DDX31: variants seen among roughly 807,000 people sequenced by gnomAD.
The protein encoded by DDX31 is ATP-dependent DNA helicase DDX31.
Under a neutral mutation model 91.3 loss-of-function variants are expected in DDX31, and 70 were observed. The observed-to-expected ratio is 0.77, with a 90% CI of 0.63 to 0.94. DDX31 has a LOEUF of 0.94. Ranked by LOEUF, DDX31 falls within the 40% of genes least tolerant of loss-of-function variation. DDX31 has a pLI of 0.00. For synonymous variants in DDX31, 362 were observed against 350.6 expected (o/e 1.03, Z -0.36); for missense variants, 902 against 925.0 (o/e 0.98, Z 0.32).
intron 17 of DDX31, 92 bp from the exon 18 acceptor site, chr9:132,618,533 C>G: frequency 1.9e-6 from 2 of 1,036,872 alleles, no homozygotes; most frequent in South Asian, 3.4e-5. Context: ...AGTAAAATCA[C>G]ACAGTAACCA....
At chr9:132,622,315 C>T (rs1053450626) in intron 17 of DDX31, among the ~76,000 whole-genome samples, 1 of 152,338 alleles carries the variant, frequency 6.6e-6, no homozygotes, top group Admixed American at 6.5e-5. Flanking sequence ...TAGAGCCACT[C>T]CTCAAGTCTC....
At chr9:132,635,337 T>C (rs1030011067) in intron 14 of DDX31, among the ~76,000 whole-genome samples, 1 of 152,186 alleles carries the variant, frequency 6.6e-6, no homozygotes, top group African/African-American at 2.4e-5. Flanking sequence ...ACTGTTACCT[T>C]GATGACTCTT....
At chr9:132,648,161 A>G in intron 11 of DDX31, 28 bp downstream of exon 11, 1 of 1,566,604 alleles carries the variant, frequency 6.4e-7, no homozygotes, top group Non-Finnish European at 8.7e-7. Flanking sequence ...AAGAACAAAG[A>G]AGGACCCATC....
chr9:132,639,036 C>G (rs528799359), intron 14 of DDX31, among the ~76,000 whole-genome samples: 2 of 152,174 alleles, frequency 1.3e-5, no homozygotes, highest in East Asian at 3.9e-4. Flanking sequence ...CTGAAGTGGC[C>G]CTCGTTCCTC....
intron 17 of DDX31, among the ~76,000 whole-genome samples, chr9:132,623,982 T>C (rs1424619699): frequency 3.3e-5 from 5 of 151,848 alleles, no homozygotes; most frequent in Non-Finnish European, 5.9e-5. Context: ...CTGACCAACA[T>C]GGTGAAACCC....
At position 132,612,308 on chromosome 9, in the gene DDX31, T is replaced by C. The variant is rs539392456; in HGVS notation, c.1826-53A>G. 124 of 1,608,148 alleles carry C rather than the reference T, an allele frequency of 7.7e-5. 3 individuals are homozygous for C. The South Asian group carries it at 1.3e-3, about 17-fold the overall frequency. On this transcript the variant is annotated intron_variant, in intron 18 of 19. Coordinates refer to ENST00000372159, the MANE Select transcript of DDX31 (RefSeq NM_022779.9). Reference sequence around the variant, plus strand: ...GCTGTCAGGACCGGGGTCTCCAAGCTCCAAAGTGCCCGGCCTAATGGTTAT... The same window carrying C: ...GCTGTCAGGACCGGGGTCTCCAAGCCCCAAAGTGCCCGGCCTAATGGTTAT...
At chr9:132,629,852 G>T (rs1018299228) in intron 16 of DDX31, among the ~76,000 whole-genome samples, 1 of 152,182 alleles carries the variant, frequency 6.6e-6, no homozygotes, top group Admixed American at 6.5e-5. Context: ...TCATCTTCCT[G>T]GGGGAGGGAA....
chr9:132,653,907 C>T (rs1306636445), intron 6 of DDX31, among the ~76,000 whole-genome samples: 1 of 151,684 alleles, frequency 6.6e-6, no homozygotes, highest in Non-Finnish European at 1.5e-5. Flanking sequence ...TAATTTAAAG[C>T]TACAGCAATT....
chr9:132,611,686 C>G (rs1287397535), intron 19 of DDX31, among the ~76,000 whole-genome samples: 1 of 152,138 alleles, frequency 6.6e-6, no homozygotes, highest in African/African-American at 2.4e-5. Context: ...GACCCCAAAG[C>G]CAGCCTGTTA....
chr9:132,634,808 C>T (rs1416204906), intron 14 of DDX31, among the ~76,000 whole-genome samples: 2 of 151,948 alleles, frequency 1.3e-5, no homozygotes, highest in South Asian at 2.1e-4. Context: ...TGGGCTCAAG[C>T]GATCCCCCCA....
chr9:132,646,132 A>G, intron 12 of DDX31, 61 bp from the exon 13 acceptor site: 1 of 1,537,826 alleles, frequency 6.5e-7, no homozygotes, highest in Non-Finnish European at 8.9e-7. Context: ...CGCCAAAACG[A>G]ATATTTCTCT....
At chr9:132,623,558 A>AG (rs1832189571) in intron 17 of DDX31, among the ~76,000 whole-genome samples, 1 of 150,918 alleles carries the variant, frequency 6.6e-6, no homozygotes, top group Admixed American at 6.6e-5. Context: ...TCTCAAAAAA[A>AG]AAAAAAAAAA....
chr9:132,654,164 C>T (rs1003920521), intron 6 of DDX31, among the ~76,000 whole-genome samples: 1 of 152,030 alleles, frequency 6.6e-6, no homozygotes, highest in African/African-American at 2.4e-5. Context: ...GTTTTATTAC[C>T]TAAGAATTTT....
chr9:132,596,679 G>C (rs977749022), intron 19 of DDX31, among the ~76,000 whole-genome samples: 2 of 152,236 alleles, frequency 1.3e-5, no homozygotes, highest in Non-Finnish European at 2.9e-5. Context: ...CTGGTAAGTG[G>C]AGAAGCCAAG....
intron 6 of DDX31, among the ~76,000 whole-genome samples, chr9:132,655,128 A>G (rs1834481827): frequency 6.6e-6 from 1 of 152,146 alleles, no homozygotes; most frequent in Non-Finnish European, 1.5e-5. Context: ...AATTTCTCCT[A>G]TAGACCATAT....
At chr9:132,615,243 A>T (rs1295807808) in intron 18 of DDX31, among the ~76,000 whole-genome samples, 2 of 152,182 alleles carry the variant, frequency 1.3e-5, no homozygotes, top group Non-Finnish European at 2.9e-5. Context: ...ATTCCTGGAC[A>T]TTTGGATCAG....
intron 19 of DDX31, among the ~76,000 whole-genome samples, chr9:132,606,512 G>A (rs1463015043): frequency 6.6e-6 from 1 of 152,190 alleles, no homozygotes; most frequent in Non-Finnish European, 1.5e-5. Context: ...TGGAGGCTGG[G>A]GGAAGAAGCA....
At chr9:132,640,581 C>T (rs985190573) in intron 14 of DDX31, among the ~76,000 whole-genome samples, 1 of 152,142 alleles carries the variant, frequency 6.6e-6, no homozygotes, top group Non-Finnish European at 1.5e-5. Flanking sequence ...ACTGTAGCCT[C>T]GACCTTCTGG....
At chr9:132,660,319 G>A (rs890295110) in intron 4 of DDX31, among the ~76,000 whole-genome samples, 3 of 136,754 alleles carry the variant, frequency 2.2e-5, no homozygotes, top group African/African-American at 5.5e-5. Context: ...TGGGCAACAA[G>A]AGCAAAACTC....
Sources: allele counts gnomAD v4.1 joint callset (sites outside exome capture counted in the v4.1 genomes callset), GRCh38; gene constraint gnomAD v4.1.1; transcripts MANE v1.5; gene names NCBI Gene and HGNC (gene_info 2026-07-23, HGNC 2026-07-21).